The following FRMD4A variants were observed in gnomAD, a reference collection of about 807,000 sequenced individuals.
FRMD4A encodes FERM domain containing 4A.
In FRMD4A, 29 loss-of-function variants were observed where a neutral mutation model predicts 129.1. The ratio of observed to expected loss-of-function variants is 0.22; its 90% CI spans 0.17 to 0.31. The LOEUF (loss-of-function observed/expected upper bound fraction) is 0.31, where lower values mean the gene tolerates loss of function less well. FRMD4A is among the 10% of genes least tolerant of loss of function. The probability of loss-of-function intolerance (pLI) is 1.00; values close to 1 mark genes in which losing one functional copy is unlikely to be tolerated. For synonymous variants in FRMD4A, 634 were observed against 571.6 expected (o/e 1.11, Z -1.56); for missense variants, 1,272 against 1,375.8 (o/e 0.92, Z 1.19).
At chr10:13,695,768 C>T (rs11258533) in intron 14 of FRMD4A, among the ~76,000 whole-genome samples, 61,924 of 152,018 alleles carry the variant, frequency 0.41, 13,017 homozygotes, top group Non-Finnish European at 0.45. Context: ...GGCATGGGGG[C>T]GGTGGTGAAG....
intron 2 of FRMD4A, among the ~76,000 whole-genome samples, chr10:14,293,646 T>C (rs1845918254): frequency 1.3e-5 from 2 of 151,198 alleles, no homozygotes; most frequent in African/African-American, 4.8e-5. Context: ...CAATGCCCGT[T>C]GACCAGTGGT....
chr10:14,285,078 C>A (rs1434699328), intron 2 of FRMD4A, among the ~76,000 whole-genome samples: 2 of 152,212 alleles, frequency 1.3e-5, no homozygotes, highest in Admixed American at 6.5e-5. Flanking sequence ...TTGCAATAAT[C>A]TAAATATCTA....
intron 2 of FRMD4A, among the ~76,000 whole-genome samples, chr10:13,879,177 T>C (rs1252094699): frequency 6.6e-6 from 1 of 152,046 alleles, no homozygotes; most frequent in East Asian, 1.9e-4. Flanking sequence ...GGCTGGAGGA[T>C]TGCTTGAAGC....
At chr10:13,846,664 G>A (rs1313409938) in intron 3 of FRMD4A, among the ~76,000 whole-genome samples, 1 of 152,262 alleles carries the variant, frequency 6.6e-6, no homozygotes. Context: ...CATAGGGCCT[G>A]CCCAGAGAGT....
chr10:13,995,507 C>T (rs922835529), intron 2 of FRMD4A, among the ~76,000 whole-genome samples: 1 of 152,172 alleles, frequency 6.6e-6, no homozygotes, highest in Non-Finnish European at 1.5e-5. Context: ...ATCACTAGAA[C>T]GTGGGAGGTG....
At chr10:14,119,872 C>T (rs1272262241) in intron 2 of FRMD4A, among the ~76,000 whole-genome samples, 2 of 152,112 alleles carry the variant, frequency 1.3e-5, no homozygotes, top group Admixed American at 1.3e-4. Context: ...AATGAGTTCT[C>T]CAGGGCAGAG....
Position 13,884,112 on chromosome 10 carries a change from A to ACACACT in FRMD4A, c.46-25201_46-25200insAGTGTG, listed in dbSNP as rs1564969776. Among the ~76,000 whole-genome samples the ACACACT allele has an allele frequency of 2.1e-4, 27 of 129,860 alleles. 1 individual carries two copies. In the South Asian group the frequency reaches 3.6e-3, roughly 17 times the overall value. 85.2% of individuals were successfully genotyped at this position (129,860 alleles called of 152,430 possible). A position where few individuals can be genotyped will look rare whatever the true frequency, so the allele number is the denominator to read the frequency against. On this transcript the variant is annotated intron_variant, in intron 2 of 24. Transcript: ENST00000357447. ...GATGCAATGGAAAAGAAACACACAC[A>ACACACT]CACACACACTCACACACACGCTCAC...
At chr10:13,866,879 C>T (rs1367317202) in intron 2 of FRMD4A, among the ~76,000 whole-genome samples, 3 of 152,188 alleles carry the variant, frequency 2.0e-5, no homozygotes, top group Admixed American at 1.3e-4. Context: ...ACCTGGGAGG[C>T]GGAGGTTGCA....
intron 2 of FRMD4A, among the ~76,000 whole-genome samples, chr10:14,215,185 G>A (rs189236596): frequency 1.2e-4 from 19 of 152,278 alleles, no homozygotes; most frequent in Non-Finnish European, 1.8e-4. Flanking sequence ...CGAAAAAGCC[G>A]TGGAAAATAA....
chr10:14,149,870 G>A (rs1040448846), intron 2 of FRMD4A, among the ~76,000 whole-genome samples: 11 of 152,116 alleles, frequency 7.2e-5, no homozygotes, highest in African/African-American at 2.4e-4. Context: ...CCATTCTCAC[G>A]TTGCTATAAA....
intron 2 of FRMD4A, among the ~76,000 whole-genome samples, chr10:14,127,976 TTCCTTCTCTC>T (rs1193618903): frequency 2.2e-4 from 5 of 22,290 alleles, no homozygotes; most frequent in African/African-American, 8.6e-4. Context: ...CTTTCTTTCT[TTCCTTCTCTC>T]TCTCTCTCTC....
chr10:13,960,690 G>A (rs537911940), intron 2 of FRMD4A, among the ~76,000 whole-genome samples: 1 of 152,208 alleles, frequency 6.6e-6, no homozygotes, highest in Non-Finnish European at 1.5e-5. Context: ...GACTGTCTGG[G>A]ATGGGTTGAC....
chr10:14,102,324 T>A (rs918731714), intron 2 of FRMD4A, among the ~76,000 whole-genome samples: 3 of 152,280 alleles, frequency 2.0e-5, no homozygotes, highest in Admixed American at 1.3e-4. Flanking sequence ...GACAGGGCTT[T>A]GAAACCAGCC....
At chr10:14,246,427 T>C (rs4750499) in intron 2 of FRMD4A, among the ~76,000 whole-genome samples, 40,764 of 151,858 alleles carry the variant, frequency 0.27, 5,594 homozygotes, top group Middle Eastern at 0.33. Context: ...ATACACACTT[T>C]CATGCACTCA....
chr10:14,086,724 G>T (rs538665817), intron 2 of FRMD4A, among the ~76,000 whole-genome samples: 2 of 151,946 alleles, frequency 1.3e-5, no homozygotes, highest in South Asian at 4.2e-4. Flanking sequence ...TAATGTATGG[G>T]TTTTTTTTGT....
In FRMD4A at chr10:13,774,397, T is replaced by C. The variant is rs2092544929; in HGVS notation, c.384+8525A>G. ...AAAGCCAAACACCTTTCCTCGCCTTTCTGCTATTAAAGAGATGAGAGGTTC... is the reference window on the plus strand; with the variant it reads ...AAAGCCAAACACCTTTCCTCGCCTTCCTGCTATTAAAGAGATGAGAGGTTC... On this transcript the variant is annotated intron_variant, in intron 6 of 24. Transcript: ENST00000357447. Among the ~76,000 whole-genome samples the C allele has an allele frequency of 2.6e-5, 4 of 152,182 alleles. No individual in the cohort carries two copies. In the South Asian group the frequency reaches 8.3e-4, roughly 31 times the overall value.
chr10:13,824,321 C>CAAAAAAAAAAAAAAA (rs397721588), intron 3 of FRMD4A, among the ~76,000 whole-genome samples: 1 of 99,046 alleles, frequency 1.0e-5, no homozygotes, highest in Non-Finnish European at 1.9e-5. Flanking sequence ...ACTAAAAATA[C>CAAAAAAAAAAAAAAA]AAAAAAAAAA....
intron 2 of FRMD4A, among the ~76,000 whole-genome samples, chr10:14,087,760 A>T (rs190097541): frequency 4.4e-4 from 67 of 152,356 alleles, no homozygotes; most frequent in Non-Finnish European, 7.2e-4. Flanking sequence ...CCCGACTCAG[A>T]AGATGGCTAT....
intron 2 of FRMD4A, among the ~76,000 whole-genome samples, chr10:14,249,148 C>T (rs1292352696): frequency 1.3e-5 from 2 of 151,932 alleles, no homozygotes; most frequent in Non-Finnish European, 2.9e-5. Flanking sequence ...GTCAGGAGTT[C>T]GAGACCAGCC....
Sources: gnomAD v4.1 joint callset for allele counts (sites outside exome capture counted in the v4.1 genomes callset) on GRCh38, gnomAD v4.1.1 for gene constraint, MANE v1.5 for transcripts, NCBI Gene and HGNC (gene_info 2026-07-23, HGNC 2026-07-21) for gene names.